The following PDK1 variants were observed in gnomAD, a reference collection of about 807,000 sequenced individuals.
PDK1 encodes [Pyruvate dehydrogenase (acetyl-transferring)] kinase isozyme 1, mitochondrial.
PDK1 carries 39 observed loss-of-function variants against 54.2 expected under a neutral mutation model. That is an observed-to-expected ratio of 0.72 (90% CI 0.56 to 0.94). The LOEUF (loss-of-function observed/expected upper bound fraction) is 0.94. PDK1 is among the 40% of genes least tolerant of loss of function. The pLI is 0.00. For missense variants in PDK1, 552 were observed against 566.0 expected, an observed-to-expected ratio of 0.98 and a Z score of 0.25; for synonymous variants, 221 against 207.1, an observed-to-expected ratio of 1.07 and a Z score of -0.58.
At chr2:172,701,569 A>G in the PDK1 span, among the ~76,000 whole-genome samples, 2 of 151,262 alleles carry the variant, frequency 1.3e-5, no homozygotes, top group Non-Finnish European at 2.9e-5. Flanking sequence ...TTGTTGGAGC[A>G]GTCTGTGGTT....
the PDK1 span, among the ~76,000 whole-genome samples, chr2:172,680,332 T>C: frequency 6.6e-6 from 1 of 152,234 alleles, no homozygotes; most frequent in African/African-American, 2.4e-5. Flanking sequence ...TGAATTGTAC[T>C]ATCCTTTCTT....
the PDK1 span, among the ~76,000 whole-genome samples, chr2:172,714,476 A>G: frequency 1.3e-5 from 2 of 152,098 alleles, no homozygotes; most frequent in Non-Finnish European, 2.9e-5. Context: ...ACTTTTCTGT[A>G]TCAAAAATAT....
rs148122942 is a variant in PDK1, at chr2:172,596,153, A to G, written c.*184A>G. 56 of 473,794 alleles carry G rather than the reference A, an allele frequency of 1.2e-4. 1 individual carries two copies. In the Middle Eastern group the frequency reaches 1.7e-3, roughly 14 times the overall value. The allele number at this position is 473,794 out of a possible 1,614,324, so 29.3% of individuals were successfully genotyped here. A position where few individuals can be genotyped will look rare whatever the true frequency, so the allele number is the denominator to read the frequency against. On this transcript the variant is annotated 3_prime_UTR_variant, in exon 11 of 11. Coordinates refer to ENST00000282077, the MANE Select transcript of PDK1 (RefSeq NM_002610.5). ...CCTCCTAAAGGATGAAATTGCACCT[A>G]TTTTACACTTATATTTTCACAGTTA...
the PDK1 span, among the ~76,000 whole-genome samples, chr2:172,627,121 T>C: frequency 6.6e-6 from 1 of 152,204 alleles, no homozygotes; most frequent in African/African-American, 2.4e-5. Context: ...ATTTCAGATG[T>C]AGAGGATTGA....
the PDK1 span, among the ~76,000 whole-genome samples, chr2:172,626,996 C>T: frequency 1.5e-4 from 23 of 152,238 alleles, no homozygotes; most frequent in Admixed American, 2.6e-4. Flanking sequence ...CAAATCCATT[C>T]TTGCAGAATT....
At chr2:172,637,978 A>T in the PDK1 span, among the ~76,000 whole-genome samples, 1 of 152,156 alleles carries the variant, frequency 6.6e-6, no homozygotes, top group South Asian at 2.1e-4. Flanking sequence ...TACAGGTGTG[A>T]GCCACTGCAC....
At chr2:172,621,766 GTC>G in the PDK1 span, among the ~76,000 whole-genome samples, 660 of 137,342 alleles carry the variant, frequency 4.8e-3, 23 homozygotes, top group African/African-American at 0.017. Context: ...TCTCATATAT[GTC>G]ATATATGTTT....
At chr2:172,647,819 T>G in the PDK1 span, among the ~76,000 whole-genome samples, 2 of 16,944 alleles carry the variant, frequency 1.2e-4, no homozygotes, top group Non-Finnish European at 2.3e-4. Context: ...AAGATATTTG[T>G]TAGTTTCTAA....
At chr2:172,724,056 C>T in the PDK1 span, 1 of 152,148 alleles carries the variant, frequency 6.6e-6, no homozygotes, top group Non-Finnish European at 1.5e-5. Flanking sequence ...CTTTTAATAA[C>T]ACCATGGTAT....
chr2:172,655,147 G>C, the PDK1 span, among the ~76,000 whole-genome samples: 4 of 152,200 alleles, frequency 2.6e-5, no homozygotes, highest in South Asian at 8.3e-4. Context: ...CCCTGCCCAC[G>C]TGGTGGCTGG....
chr2:172,587,163 T>G (rs1690278361), intron 9 of PDK1, among the ~76,000 whole-genome samples: 1 of 152,248 alleles, frequency 6.6e-6, no homozygotes, highest in Non-Finnish European at 1.5e-5. Flanking sequence ...GGTGGGTTTT[T>G]GGTCTTGCTG....
the PDK1 span, among the ~76,000 whole-genome samples, chr2:172,644,988 G>A: frequency 1.3e-5 from 2 of 152,112 alleles, no homozygotes; most frequent in African/African-American, 4.8e-5. Flanking sequence ...CTAATACCCA[G>A]TACATAGGCT....
At chr2:172,686,675 ACTGT>A in the PDK1 span, among the ~76,000 whole-genome samples, 39 of 152,324 alleles carry the variant, frequency 2.6e-4, no homozygotes, top group East Asian at 7.5e-3. Flanking sequence ...GCTGCTGCTC[ACTGT>A]CTGCTGCTCA....
At chr2:172,635,503 A>G in the PDK1 span, among the ~76,000 whole-genome samples, 1 of 152,122 alleles carries the variant, frequency 6.6e-6, no homozygotes, top group African/African-American at 2.4e-5. Context: ...TCTAATAGAG[A>G]TGAGTTTTTG....
chr2:172,691,926 A>G, the PDK1 span, among the ~76,000 whole-genome samples: 1 of 152,246 alleles, frequency 6.6e-6, no homozygotes, highest in Non-Finnish European at 1.5e-5. Context: ...CTTTGGGTAA[A>G]TACCAAGGAA....
the PDK1 span, among the ~76,000 whole-genome samples, chr2:172,636,209 G>T: frequency 5.3e-5 from 8 of 152,172 alleles, no homozygotes; most frequent in Non-Finnish European, 1.2e-4. Flanking sequence ...CAGAGGCTGG[G>T]CAATTTATAA....
At chr2:172,565,464 T>C (rs1688885262) in intron 5 of PDK1, among the ~76,000 whole-genome samples, 1 of 152,110 alleles carries the variant, frequency 6.6e-6, no homozygotes, top group Non-Finnish European at 1.5e-5. Context: ...ACACTACGCC[T>C]GGCTAATTTT....
chr2:172,677,148 C>T, the PDK1 span: 1 of 152,268 alleles, frequency 6.6e-6, no homozygotes, highest in Non-Finnish European at 1.5e-5. Context: ...GACTTCATTG[C>T]AGTATTCATT....
At chr2:172,634,116 C>T in the PDK1 span, among the ~76,000 whole-genome samples, 1 of 151,048 alleles carries the variant, frequency 6.6e-6, no homozygotes, top group Non-Finnish European at 1.5e-5. Context: ...GAGCTCAGGT[C>T]ATCTGCCCGC....
Sources: gnomAD v4.1 joint callset for allele counts (sites outside exome capture counted in the v4.1 genomes callset) on GRCh38, gnomAD v4.1.1 for gene constraint, MANE v1.5 for transcripts, NCBI Gene and HGNC (gene_info 2026-07-23, HGNC 2026-07-21) for gene names.